Variants in RBMS1 observed in about 807,000 individuals in gnomAD.
RBMS1 encodes RNA-binding motif, single-stranded-interacting protein 1.
In RBMS1, 17 loss-of-function variants were observed where a neutral mutation model predicts 62.3. The observed-to-expected ratio is 0.27, with a 90% CI of 0.19 to 0.41. The LOEUF is 0.41. Ranked by LOEUF, RBMS1 falls within the 10% of genes least tolerant of loss-of-function variation. The pLI is 1.00. For missense variants in RBMS1, 334 were observed against 504.5 expected (o/e 0.66, Z 3.24); for synonymous variants, 172 against 170.0 (o/e 1.01, Z -0.09).
At chr2:160,358,417 C>G (rs1448710066) in intron 2 of RBMS1, among the ~76,000 whole-genome samples, 2 of 152,136 alleles carry the variant, frequency 1.3e-5, no homozygotes, top group Non-Finnish European at 2.9e-5. Context: ...GTTCCTTGGT[C>G]TAAGCCCTCA....
chr2:160,431,592 A>C (rs1682898090), intron 1 of RBMS1, among the ~76,000 whole-genome samples: 1 of 151,812 alleles, frequency 6.6e-6, no homozygotes. Context: ...TGGCCCACAT[A>C]TCTCTGCAAG....
At chr2:160,415,999 A>G (rs1451696220) in intron 1 of RBMS1, 3 of 151,596 alleles carry the variant, frequency 2.0e-5, no homozygotes, top group Non-Finnish European at 4.4e-5. Flanking sequence ...AAAGTTTCCA[A>G]CATCAGGATA....
At chr2:160,313,034 CA>C (rs1385164130) in intron 4 of RBMS1, 121 bp downstream of exon 4, 1 of 842,680 alleles carries the variant, frequency 1.2e-6, no homozygotes, top group Non-Finnish European at 1.9e-6. Context: ...GACAAGTGTC[CA>C]GAAGGCGCTG....
chr2:160,353,320 C>G (rs958851308), intron 2 of RBMS1, among the ~76,000 whole-genome samples: 1 of 152,102 alleles, frequency 6.6e-6, no homozygotes, highest in African/African-American at 2.4e-5. Flanking sequence ...TCTGTCAACC[C>G]TTGGAGACTG....
At chr2:160,406,335 G>A (rs901170590) in intron 1 of RBMS1, among the ~76,000 whole-genome samples, 5 of 152,304 alleles carry the variant, frequency 3.3e-5, no homozygotes, top group African/African-American at 1.2e-4. Flanking sequence ...ACGACAACAA[G>A]ACCTAAACAT....
At chr2:160,454,575 A>C (rs998892415) in intron 1 of RBMS1, among the ~76,000 whole-genome samples, 5 of 151,958 alleles carry the variant, frequency 3.3e-5, no homozygotes, top group African/African-American at 1.2e-4. Context: ...TCCCAAAAGA[A>C]GGGGAATATA....
chr2:160,490,315 A>AC (rs1239530786), intron 1 of RBMS1, among the ~76,000 whole-genome samples: 3 of 151,702 alleles, frequency 2.0e-5, no homozygotes, highest in Admixed American at 6.6e-5. Flanking sequence ...ATAAAAAAAA[A>AC]AAACAAAAAA....
chr2:160,432,983 AT>A (rs1489502620), intron 1 of RBMS1, among the ~76,000 whole-genome samples: 1 of 152,196 alleles, frequency 6.6e-6, no homozygotes, highest in East Asian at 1.9e-4. Flanking sequence ...TCCTCAGGGA[AT>A]TCTCATCCTG....
chr2:160,444,113 G>GT (rs1445735300), intron 1 of RBMS1, among the ~76,000 whole-genome samples: 1 of 152,186 alleles, frequency 6.6e-6, no homozygotes, highest in Non-Finnish European at 1.5e-5. Flanking sequence ...ACAACATTCT[G>GT]TTTTTTATTG....
chr2:160,322,738 C>T (rs1690646276), intron 2 of RBMS1, among the ~76,000 whole-genome samples: 1 of 152,216 alleles, frequency 6.6e-6, no homozygotes, highest in African/African-American at 2.4e-5. Flanking sequence ...AAGAGGCTCC[C>T]ATTAAAATAC....
chr2:160,443,802 C>T (rs547686970), intron 1 of RBMS1, among the ~76,000 whole-genome samples: 148 of 152,306 alleles, frequency 9.7e-4, no homozygotes, highest in African/African-American at 3.5e-3. Context: ...TGCTTTCTGT[C>T]ACATTTTAAT....
chr2:160,397,586 T>C lies in RBMS1; in HGVS notation c.76-30195A>G, dbSNP rs1695214723. 2.0e-5 allele frequency among the ~76,000 whole-genome samples: 3 copies of C among 152,166 alleles called. 1 individual carries two copies. Reference sequence around the variant, plus strand: ...GAAATTTTCAGGAAAAAAACTCTCTTTGGCGTCTGACTTTCCTAAAGACAC... The same window carrying C: ...GAAATTTTCAGGAAAAAAACTCTCTCTGGCGTCTGACTTTCCTAAAGACAC... On this transcript the variant is annotated intron_variant, in intron 1 of 13. Transcript: ENST00000348849.
At chr2:160,288,147 G>A (rs1462918093) in intron 6 of RBMS1, among the ~76,000 whole-genome samples, 4 of 151,780 alleles carry the variant, frequency 2.6e-5, no homozygotes, top group Admixed American at 6.6e-5. Context: ...AGAAAGTTGT[G>A]CATTTTTCTG....
At chr2:160,420,025 G>C (rs966470837) in intron 1 of RBMS1, among the ~76,000 whole-genome samples, 3 of 152,114 alleles carry the variant, frequency 2.0e-5, no homozygotes, top group Non-Finnish European at 2.9e-5. Flanking sequence ...TATCTTTTAT[G>C]GAGTTTTCTC....
chr2:160,367,210 A>T lies in RBMS1; in HGVS notation c.251+6T>A, dbSNP rs1395146578. 6.2e-7 allele frequency: 1 copy of T among 1,610,936 alleles called. No individual in the cohort carries two copies. The highest frequency in any genetic ancestry group is 1.7e-5 in the Admixed American group (1 of 60,022). ...AGCTAAAATAATAGGAACAACTACT[A>T]CTTACGGTTGACAGAGCTTCACCAG... On this transcript the variant is annotated splice_donor_region_variant and intron_variant, in intron 2 of 13. Transcript: ENST00000348849.
intron 2 of RBMS1, among the ~76,000 whole-genome samples, chr2:160,321,725 G>A (rs974907106): frequency 6.6e-6 from 1 of 151,964 alleles, no homozygotes. Flanking sequence ...TACCAAGCTC[G>A]GGGTCCTCGT....
chr2:160,314,883 A>G (rs959171393), intron 3 of RBMS1, among the ~76,000 whole-genome samples: 16 of 152,324 alleles, frequency 1.1e-4, no homozygotes, highest in African/African-American at 3.8e-4. Context: ...GCTAACACGC[A>G]ACAAAGCTCT....
intron 12 of RBMS1, 82 bp downstream of exon 12, chr2:160,277,221 T>A: frequency 7.9e-7 from 1 of 1,264,438 alleles, no homozygotes. Context: ...TGACGTCTGG[T>A]AGATTTTTCT....
In RBMS1 at chr2:160,420,104, T is replaced by C. The variant is rs1464449628; in HGVS notation, c.76-52713A>G. Among the ~76,000 whole-genome samples, 4 of 152,346 alleles carry C rather than the reference T, an allele frequency of 2.6e-5. No individual in the cohort carries two copies. The East Asian group carries it at 7.7e-4, about 29-fold the overall frequency. On this transcript the variant is annotated intron_variant, in intron 1 of 13. Transcript: ENST00000348849. ...TCCTTATTTACTCCAAATTGTTGTA[T>C]ACCCTGCTTCCAAAATAATTTTTTT...
Sources: gnomAD v4.1 joint callset for allele counts (sites outside exome capture counted in the v4.1 genomes callset) on GRCh38, gnomAD v4.1.1 for gene constraint, MANE v1.5 for transcripts, NCBI Gene and HGNC (gene_info 2026-07-23, HGNC 2026-07-21) for gene names.